The following CYGB variants were observed in gnomAD, a reference collection of about 807,000 sequenced individuals.
CYGB encodes the protein cytoglobin, also known as histoglobin.
A neutral mutation model predicts 20.7 loss-of-function variants in CYGB; 13 were observed. The ratio of observed to expected loss-of-function variants is 0.63; its 90% confidence interval spans 0.41 to 1.00. The LOEUF is 1.00. CYGB is among the 50% of genes least tolerant of loss of function. The pLI is 0.00. For missense variants in CYGB, 218 were observed against 257.2 expected (o/e 0.85, Z 1.04); for synonymous variants, 93 against 107.4 (o/e 0.87, Z 0.83).
chr17:76,540,091 G>T (rs1344720387), upstream of CYGB: 1 of 1,561,166 alleles, frequency 6.4e-7, no homozygotes, highest in East Asian at 2.3e-5. This position sits in a 1 kb window ranked among gnomAD's most constrained non-coding sequence, Gnocchi z 5.0. Flanking sequence ...TTGGCCCCTC[G>T]CCTGTGGCCT....
At chr17:76,535,237 A>C (rs1188191902) in intron 1 of CYGB, among the ~76,000 whole-genome samples, 1 of 152,200 alleles carries the variant, frequency 6.6e-6, no homozygotes, top group Non-Finnish European at 1.5e-5. Flanking sequence ...CTGCAGGCTC[A>C]TAAGGGCTGA....
At chr17:76,544,214 C>T (rs1213174452) in intron 1 of CYGB, 3 of 454,552 alleles carry the variant, frequency 6.6e-6, no homozygotes, top group South Asian at 4.7e-5. Context: ...TCTGTGCACA[C>T]GCGTCTCTCC....
intron 3 of CYGB, chr17:76,529,651 G>T: frequency 2.0e-6 from 2 of 985,428 alleles, no homozygotes; most frequent in Non-Finnish European, 1.2e-6. Context: ...AGAGGGGTGG[G>T]AGGGCAGGCA....
In CYGB at chr17:76,537,546, C is replaced by G; in HGVS notation, c.-4G>C. The stretch of plus-strand genomic sequence containing the variant: ...TCTCGCCTGGCACTTTCTCCATGAG[C>G]AGCTCCAAGCCCAGCCCGGCTTTGC... On this transcript the variant is annotated 5_prime_UTR_variant, in exon 1 of 4. Transcript: ENST00000293230. The G allele has an allele frequency of 6.6e-7, 1 of 1,516,372 alleles. No homozygotes were observed. The highest frequency in any genetic ancestry group is 8.8e-7 in the Non-Finnish European group (1 of 1,132,174). 93.9% of individuals were successfully genotyped at this position (1,516,372 alleles called of 1,614,324 possible).
At position 76,533,691 on chromosome 17, in the gene CYGB, C is replaced by T. The variant is rs751587748; in HGVS notation, c.144-2000G>A. ...GGAGCCAAGATTGTGCCATTGCACT[C>T]CAGCCTGGGTGACAGAGTGAGACCC... is the stretch of plus-strand genomic sequence containing the variant. On this transcript the variant is annotated intron_variant, in intron 1 of 3. Transcript: ENST00000293230. This position sits in a 1 kb window ranked among gnomAD's most constrained non-coding sequence, Gnocchi z 4.5. 2.6e-5 allele frequency among the ~76,000 whole-genome samples: 4 copies of T among 151,856 alleles called. No homozygotes were observed. The highest frequency in any genetic ancestry group is 4.4e-5 in the Non-Finnish European group (3 of 67,982).
At chr17:76,540,251 CG>C (rs757827110), upstream of CYGB, 258 of 892,436 alleles carry the variant, frequency 2.9e-4, no homozygotes, top group African/African-American at 4.5e-3. The surrounding 1 kb of genome is among the most constrained non-coding windows in gnomAD (Gnocchi z 5.0). Flanking sequence ...GGCGGTTGGT[CG>C]GGGGGGGGGG....
chr17:76,531,276 G>T lies in CYGB; in HGVS notation c.376-134C>A. The T allele has an allele frequency of 8.2e-7, 1 of 1,223,772 alleles. No individual in the cohort carries two copies. Among genetic ancestry groups the T allele is most frequent in the Non-Finnish European group, 1.1e-6 (1 of 879,246 alleles). The allele number at this position is 1,223,772 out of a possible 1,614,324, so 75.8% of individuals were successfully genotyped here. On this transcript the variant is annotated intron_variant, in intron 2 of 3. Coordinates refer to ENST00000293230, the MANE Select transcript of CYGB (RefSeq NM_134268.5). This position sits in a 1 kb window ranked among gnomAD's most constrained non-coding sequence, Gnocchi z 7.4. ...AGTCTGGCAGCTTTGGGAACCCCGT[G>T]CTCTCAGGACAAGGGTTGCCCTGGA... is the stretch of plus-strand genomic sequence containing the variant.
chr17:76,547,021 C>G (rs79335883), intron 1 of CYGB: 11 of 152,202 alleles, frequency 7.2e-5, no homozygotes, highest in African/African-American at 2.7e-4. Context: ...CTACAAGGCA[C>G]AAGGAATGGA....
At chr17:76,547,844 CACACACACAG>C (rs1598218630) in intron 1 of CYGB, among the ~76,000 whole-genome samples, 2 of 129,042 alleles carry the variant, frequency 1.5e-5, no homozygotes, top group African/African-American at 7.6e-5. Flanking sequence ...CACACATTCA[CACACACACAG>C]ACATACACAT....
upstream of CYGB, among the ~76,000 whole-genome samples, chr17:76,541,724 C>A (rs753399613): frequency 6.2e-4 from 95 of 152,182 alleles, no homozygotes; most frequent in Non-Finnish European, 1.2e-3. Flanking sequence ...CCTGGGCCTC[C>A]CCCGATAGGA....
chr17:76,543,887 A>C (rs1480720930), intron 1 of CYGB: 1 of 471,090 alleles, frequency 2.1e-6, no homozygotes, highest in Non-Finnish European at 4.4e-6. Flanking sequence ...GTCTGCCTGC[A>C]GCTGGATGGG....
intron 1 of CYGB, chr17:76,544,215 G>T: frequency 4.4e-6 from 2 of 454,518 alleles, no homozygotes; most frequent in Non-Finnish European, 8.8e-6. Flanking sequence ...CTGTGCACAC[G>T]CGTCTCTCCT....
chr17:76,540,250 T>TGGGGGGGGGGGGGGGGGGTGGGG, upstream of CYGB: 1 of 463,682 alleles, frequency 2.2e-6, no homozygotes, highest in Admixed American at 3.7e-5. This position sits in a 1 kb window ranked among gnomAD's most constrained non-coding sequence, Gnocchi z 5.0. Context: ...TGGCGGTTGG[T>TGGGGGGGGGGGGGGGGGGTGGGG]CGGGGGGGGG....
upstream of CYGB, chr17:76,540,143 T>C (rs527236092): frequency 9.4e-6 from 15 of 1,602,530 alleles, no homozygotes; most frequent in East Asian, 2.5e-4. This position sits in a 1 kb window ranked among gnomAD's most constrained non-coding sequence, Gnocchi z 5.0. Context: ...AGCTGCGCCA[T>C]GTGCACCACC....
At position 76,531,637 on chromosome 17, in the gene CYGB, C is replaced by T; in HGVS notation, c.198G>A (p.Met66Ile). Residue 66 changes from methionine to isoleucine, a missense_variant, in exon 2 of 4, where the codon ATG (methionine) becomes ATA (isoleucine). Transcript: ENST00000293230. The surrounding 1 kb of genome is among the most constrained non-coding windows in gnomAD (Gnocchi z 7.4). Reference sequence around the variant, plus strand: ...TCCGCTCCATCTCCAGGGGATCCTCCATGTGCTTGAACTGGCTGAAGTACT... The same window carrying T: ...TCCGCTCCATCTCCAGGGGATCCTCTATGTGCTTGAACTGGCTGAAGTACT... ...AKQYFSQFKHMEDPLEMERSP... is the reference protein window; with the variant it reads ...AKQYFSQFKHIEDPLEMERSP... 2.5e-6 allele frequency: 4 copies of T among 1,612,002 alleles called. No individual in the cohort carries two copies. Among genetic ancestry groups the T allele is most frequent in the Non-Finnish European group, 3.4e-6 (4 of 1,178,180 alleles).
chr17:76,536,800 T>A (rs1224741959), intron 1 of CYGB, among the ~76,000 whole-genome samples: 3 of 152,174 alleles, frequency 2.0e-5, no homozygotes, highest in East Asian at 3.8e-4. Flanking sequence ...GGGGACTGTT[T>A]GCTTCTCCAC....
Position 76,545,059 on chromosome 17 carries a change from TG to T in CYGB, c.-53+5802del, listed in dbSNP as rs756523596. On this transcript the variant is annotated intron_variant, in intron 1 of 3. Coordinates refer to the CYGB transcript ENST00000589145. Reference sequence around the variant, plus strand: ...CAGCTGGGGTGCCATGTGGGCCGGGTGGGGGGGCTGTCTCCCCCAGGGAGCA... The same window carrying T: ...CAGCTGGGGTGCCATGTGGGCCGGGTGGGGGGCTGTCTCCCCCAGGGAGCA... 2.4e-4 allele frequency: 101 copies of T among 422,070 alleles called. 5 individuals are homozygous for T. The Middle Eastern group carries it at 0.011, about 46-fold the overall frequency. 26.1% of individuals were successfully genotyped at this position (422,070 alleles called of 1,614,324 possible). A position where few individuals can be genotyped will look rare whatever the true frequency, so the allele number is the denominator to read the frequency against.
upstream of CYGB, chr17:76,540,564 C>T (rs748625799): frequency 1.9e-6 from 3 of 1,613,370 alleles, no homozygotes; most frequent in Admixed American, 1.7e-5. This position sits in a 1 kb window ranked among gnomAD's most constrained non-coding sequence, Gnocchi z 5.0. Context: ...GACCCTCAGT[C>T]CTCAGGCAGG....
chr17:76,538,072 T>A (rs2074942593), upstream of CYGB: 1 of 152,752 alleles, frequency 6.5e-6, no homozygotes, highest in South Asian at 2.0e-4. Context: ...CGGGTCCCAG[T>A]GCTTGCGGCG....
Sources: gnomAD v4.1 joint callset for allele counts (sites outside exome capture counted in the v4.1 genomes callset) on GRCh38, gnomAD v4.1.1 for gene constraint, Gnocchi (gnomAD v3.1) non-coding constraint, MANE v1.5 for transcripts, NCBI Gene and HGNC (gene_info 2026-07-23, HGNC 2026-07-21) for gene names.